The following VSIG1 variants were observed in gnomAD, a reference collection of about 807,000 sequenced individuals.
VSIG1 encodes the protein V-set and immunoglobulin domain-containing protein 1.
VSIG1 carries 11 observed loss-of-function variants against 20.1 expected under a neutral mutation model. The ratio of observed to expected loss-of-function variants is 0.55; its 90% CI spans 0.34 to 0.91. VSIG1 has a LOEUF of 0.91. Ranked by LOEUF, VSIG1 falls within the 40% of genes least tolerant of loss-of-function variation. The pLI, the probability that VSIG1 is intolerant of heterozygous loss-of-function variation, is 0.02. For synonymous variants in VSIG1, 126 were observed against 116.7 expected (o/e 1.08, Z -0.52); for missense variants, 283 against 298.8 (o/e 0.95, Z 0.39).
At chrX:108,059,834 G>C (rs747084767) in intron 2 of VSIG1, among the ~76,000 whole-genome samples, 1 of 112,431 alleles carries the variant, frequency 8.9e-6, no homozygotes, top group African/African-American at 3.2e-5. Context: ...TTGCCAGGTG[G>C]GGCTGGATTT....
chrX:108,042,752 A>G (rs2147912110), upstream of VSIG1, among the ~76,000 whole-genome samples: 1 of 111,833 alleles, frequency 8.9e-6, no homozygotes, highest in East Asian at 2.8e-4. Context: ...GGATCTCCAG[A>G]GACCCACCCT....
chrX:108,068,416 C>A (rs1405071955), intron 3 of VSIG1, among the ~76,000 whole-genome samples: 1 of 111,626 alleles, frequency 9.0e-6, no homozygotes, highest in Non-Finnish European at 1.9e-5. Context: ...ATACCTGAGA[C>A]TGGGTAATTT....
chrX:108,058,271 T>A, intron 2 of VSIG1, 70 bp downstream of exon 2: 2 of 1,018,509 alleles, frequency 2.0e-6, no homozygotes, highest in Non-Finnish European at 1.3e-6. Context: ...GTAGAAAAAA[T>A]GTGAAATGTG....
Position 108,078,342 on chromosome X carries a change from C to T in VSIG1, c.*961C>T, listed in dbSNP as rs953118661. The T allele has an allele frequency of 8.9e-6, 1 of 112,216 alleles. No individual in the cohort carries two copies. The highest frequency in any genetic ancestry group is 1.9e-5 in the Non-Finnish European group (1 of 53,263). 9.2% of individuals were successfully genotyped at this position (112,216 alleles called of 1,213,427 possible). On this transcript the variant is annotated 3_prime_UTR_variant, in exon 7 of 7. Coordinates refer to ENST00000217957, the MANE Select transcript of VSIG1 (RefSeq NM_182607.5). ...CACAATTTCTTGCCTGTAACCCTAG[C>T]ACTTTGGGAGGCCGAGGCAGGTGGA...
At chrX:108,072,527 A>G in intron 3 of VSIG1, 150 bp from the exon 4 acceptor site, 2 of 530,594 alleles carry the variant, frequency 3.8e-6, no homozygotes, top group Non-Finnish European at 5.9e-6. Flanking sequence ...TGCTGGGATT[A>G]CAGGCATGAG....
At chrX:108,050,411 G>A (rs2030761028) in intron 1 of VSIG1, among the ~76,000 whole-genome samples, 3 of 111,884 alleles carry the variant, frequency 2.7e-5, no homozygotes, top group East Asian at 2.8e-4. Flanking sequence ...ACAGCATAGA[G>A]AGCGTCTCTT....
At chrX:108,066,364 C>T (rs1173926159) in intron 2 of VSIG1, among the ~76,000 whole-genome samples, 1 of 111,104 alleles carries the variant, frequency 9.0e-6, no homozygotes, top group African/African-American at 3.3e-5. Flanking sequence ...GGGATGGGAC[C>T]AGATGATTTC....
At chrX:108,061,453 G>C in intron 2 of VSIG1, 2 of 1,166,790 alleles carry the variant, frequency 1.7e-6, no homozygotes. Flanking sequence ...AGTACTGAGG[G>C]TATGGAGGAA....
intron 2 of VSIG1, among the ~76,000 whole-genome samples, chrX:108,063,955 G>C (rs1242360001): frequency 8.9e-6 from 1 of 111,815 alleles, no homozygotes; most frequent in African/African-American, 3.3e-5. Flanking sequence ...TTGCTTTGAC[G>C]TCTAAATTGA....
chrX:108,052,835 T>G (rs1289178768), intron 1 of VSIG1, among the ~76,000 whole-genome samples: 1 of 111,764 alleles, frequency 8.9e-6, no homozygotes, highest in Non-Finnish European at 1.9e-5. Context: ...AATTATCTAC[T>G]ATTTTTCTAA....
the VSIG1 span, among the ~76,000 whole-genome samples, chrX:108,021,825 C>T: frequency 8.9e-6 from 1 of 111,973 alleles, no homozygotes; most frequent in Non-Finnish European, 1.9e-5. Context: ...CTTTCTCCAT[C>T]GAATGGTCTT....
chrX:108,058,239 G>A, intron 2 of VSIG1, 38 bp downstream of exon 2: 1 of 1,154,462 alleles, frequency 8.7e-7, no homozygotes, highest in Non-Finnish European at 1.2e-6. Context: ...CCCTTTTGTA[G>A]TTCTGACTGA....
intron 2 of VSIG1, chrX:108,061,505 C>T (rs781276715): frequency 1.6e-4 from 190 of 1,164,505 alleles, no homozygotes; most frequent in Non-Finnish European, 2.1e-4. Context: ...ACGCAAGAGA[C>T]GCTCGGGGAA....
intron 2 of VSIG1, among the ~76,000 whole-genome samples, chrX:108,059,516 C>A (rs995479234): frequency 8.9e-6 from 1 of 111,983 alleles, no homozygotes; most frequent in Non-Finnish European, 1.9e-5. Flanking sequence ...GGGGAATCAA[C>A]TGATATAATG....
intron 5 of VSIG1, among the ~76,000 whole-genome samples, chrX:108,075,799 C>T (rs5973840): frequency 0.4 from 44,336 of 110,040 alleles, 6,922 homozygotes; most frequent in Non-Finnish European, 0.47. Flanking sequence ...CAGATCACAA[C>T]TCCATGGTGT....
At position 108,078,662 on chromosome X, in the gene VSIG1, C is replaced by G. The variant is rs746999518; in HGVS notation, c.*1281C>G. 3.6e-5 allele frequency: 4 copies of G among 112,169 alleles called. No individual in the cohort carries two copies. The highest frequency in any genetic ancestry group is 5.6e-5 in the Non-Finnish European group (3 of 53,221). The allele number at this position is 112,169 out of a possible 1,213,427, so 9.2% of individuals were successfully genotyped here. ...CCCCACAACTTTGTCAAATAATGTA[C>G]AGGCAAACACTTTCAAATATAATTT... is the stretch of plus-strand genomic sequence containing the variant. On this transcript the variant is annotated 3_prime_UTR_variant, in exon 7 of 7. Coordinates refer to ENST00000217957, the MANE Select transcript of VSIG1 (RefSeq NM_182607.5).
chrX:108,073,337 A>G lies in VSIG1; in HGVS notation c.656A>G (p.Asn219Ser), dbSNP rs1422279801. 8.3e-6 allele frequency: 10 copies of G among 1,211,323 alleles called. No homozygotes were observed. Among genetic ancestry groups the G allele is most frequent in the Non-Finnish European group, 1.1e-5 (10 of 895,222 alleles). Residue 219 changes from asparagine to serine, a missense_variant, in exon 5 of 7, where the codon AAT (asparagine) becomes AGT (serine). Transcript: ENST00000217957. ...TGTACTGCCATCAACAGACTTGGCA[A>G]TAGTTCCTGCGAAATCGATCTCACT... ...YQCTAINRLGNSSCEIDLTSS... is the reference protein window; with the variant it reads ...YQCTAINRLGSSSCEIDLTSS...
chrX:108,055,744 G>A (rs1314143104), intron 1 of VSIG1, among the ~76,000 whole-genome samples: 2 of 111,952 alleles, frequency 1.8e-5, no homozygotes, highest in Admixed American at 1.9e-4. Context: ...TAAAGCATTT[G>A]ACAAAATCCA....
chrX:108,077,081 C>A lies in VSIG1; in HGVS notation c.864C>A (p.Ser288Arg), dbSNP rs200336582. The part of the protein sequence containing the change: ...PMTKINPRGE[S>R]EAMPREDATQ... ...CAAAGATAAACCCAAGGGGAGAAAG[C>A]GAAGCAATGCCAAGAGAAGACGCTA... Residue 288 changes from serine (S) to arginine (R), a missense_variant, in exon 7 of 7, where the codon AGC becomes AGA. Ser to Arg is a moderately radical substitution (Grantham distance 110, BLOSUM62 -1). Transcript: ENST00000217957. 1.7e-6 allele frequency: 2 copies of A among 1,210,033 alleles called. No homozygotes were observed. Among genetic ancestry groups the A allele is most frequent in the Non-Finnish European group, 2.2e-6 (2 of 894,841 alleles).
Sources: allele counts gnomAD v4.1 joint callset (sites outside exome capture counted in the v4.1 genomes callset), GRCh38; gene constraint gnomAD v4.1.1; transcripts MANE v1.5; gene names NCBI Gene and HGNC (gene_info 2026-07-23, HGNC 2026-07-21).